Variants in FEZ2 observed in about 807,000 individuals in gnomAD.
The protein encoded by FEZ2 is fasciculation and elongation protein zeta-2.
In FEZ2, 51 loss-of-function variants were observed where a neutral mutation model predicts 40.4. The observed-to-expected ratio is 1.26, with a 90% CI of 1.01 to 1.59. The LOEUF (loss-of-function observed/expected upper bound fraction) is 1.59, where lower values mean the gene tolerates loss of function less well. Ranked by LOEUF, FEZ2 falls within the 40% of genes most tolerant of loss-of-function variation. The pLI is 0.00. For missense variants in FEZ2, 640 were observed against 438.3 expected (o/e 1.46, Z -4.11); for synonymous variants, 242 against 172.0 (o/e 1.41, Z -3.18).
intron 3 of FEZ2, 120 bp downstream of exon 3, chr2:36,583,233 T>A: frequency 1.6e-6 from 1 of 630,450 alleles, no homozygotes. Flanking sequence ...TAAGCCTGTA[T>A]AACCAGAAAA....
chr2:36,563,140 T>C (rs1017957701), intron 5 of FEZ2, among the ~76,000 whole-genome samples: 11 of 152,328 alleles, frequency 7.2e-5, no homozygotes, highest in African/African-American at 2.6e-4. Context: ...CTTTATTAAA[T>C]GTGTGGTTGC....
At chr2:36,595,045 GCT>G (rs1669175756) in intron 1 of FEZ2, among the ~76,000 whole-genome samples, 1 of 152,168 alleles carries the variant, frequency 6.6e-6, no homozygotes, top group Admixed American at 6.5e-5. Flanking sequence ...GGTCAGGACA[GCT>G]CTTTTGCAAG....
chr2:36,567,269 A>G (rs1292118231), intron 5 of FEZ2, among the ~76,000 whole-genome samples: 1 of 152,132 alleles, frequency 6.6e-6, no homozygotes, highest in Non-Finnish European at 1.5e-5. Flanking sequence ...AGAGAAAGAA[A>G]AAAAAAAAGC....
intron 2 of FEZ2, among the ~76,000 whole-genome samples, chr2:36,586,217 G>C (rs1238332129): frequency 6.6e-6 from 1 of 152,120 alleles, no homozygotes; most frequent in African/African-American, 2.4e-5. Flanking sequence ...TAGTTTCATC[G>C]ATCCTTACAC....
rs115055090 is a variant in FEZ2 at position 36,596,488 on chromosome 2, G to A, written c.266+1389C>T. On this transcript the variant is annotated intron_variant, in intron 1 of 7. Coordinates refer to ENST00000405912, the MANE Select transcript of FEZ2 (RefSeq NM_005102.3). ...GTCCTCATTTTTGAGACAAAGTCTC[G>A]CTCTGACACCCAGGCTGGAGTGCAG... Among the ~76,000 whole-genome samples, 249 of 152,162 alleles carry A rather than the reference G, an allele frequency of 1.6e-3. 2 individuals carry two copies. Among genetic ancestry groups the A allele is most frequent in the South Asian group, 3.9e-3 (19 of 4,812 alleles).
intron 3 of FEZ2, among the ~76,000 whole-genome samples, chr2:36,582,547 C>T (rs890676212): frequency 2.0e-5 from 3 of 152,212 alleles, no homozygotes; most frequent in African/African-American, 7.2e-5. Flanking sequence ...CCCTCTACCT[C>T]AAAACAACCT....
rs567339417 is a variant in FEZ2, at chr2:36,570,961, CCTCT to C, written c.903+7632_903+7635del. Among the ~76,000 whole-genome samples, 477 of 152,202 alleles carry C rather than the reference CCTCT, an allele frequency of 3.1e-3. 4 individuals carry two copies. Among genetic ancestry groups the C allele is most frequent in the Non-Finnish European group, 5.3e-3 (363 of 68,010 alleles). ...GTGAACTTGTTTATATTAACAATGA[CCTCT>C]CTAACACATAAAGAAGTCAAGAATG... On this transcript the variant is annotated intron_variant, in intron 5 of 7. Transcript: ENST00000405912.
intron 2 of FEZ2, among the ~76,000 whole-genome samples, chr2:36,589,078 G>T (rs1464524913): frequency 1.3e-5 from 2 of 152,120 alleles, no homozygotes; most frequent in Non-Finnish European, 2.9e-5. Flanking sequence ...TCACTGACAA[G>T]GCTATTCACT....
Position 36,552,571 on chromosome 2 carries a change from G to A in FEZ2, c.*592C>T, listed in dbSNP as rs2125214416. 4.1e-6 allele frequency: 1 copy of A among 244,696 alleles called. No individual in the cohort carries two copies. Among genetic ancestry groups the A allele is most frequent in the South Asian group, 4.7e-5 (1 of 21,066 alleles). The allele number at this position is 244,696 out of a possible 1,614,324, so 15.2% of individuals were successfully genotyped here. ...TTTAATGGTTAAAATTTGACCAGTG[G>A]TGAAACAAGCAGCAAGCTACAAAAT... On this transcript the variant is annotated 3_prime_UTR_variant, in exon 8 of 8. Coordinates refer to ENST00000405912, the MANE Select transcript of FEZ2 (RefSeq NM_005102.3).
chr2:36,577,016 A>G (rs1295307445), intron 5 of FEZ2, among the ~76,000 whole-genome samples: 1 of 152,264 alleles, frequency 6.6e-6, no homozygotes, highest in Non-Finnish European at 1.5e-5. Context: ...TCTCACTTGC[A>G]TAACAGGGCA....
At chr2:36,556,391 G>C (rs1422569576) in intron 6 of FEZ2, 1 of 155,514 alleles carries the variant, frequency 6.4e-6, no homozygotes, top group African/African-American at 2.4e-5. Context: ...CAGCCACCTA[G>C]TATAACGTTT....
chr2:36,572,888 G>C (rs188593085), intron 5 of FEZ2, among the ~76,000 whole-genome samples: 3 of 152,288 alleles, frequency 2.0e-5, no homozygotes, highest in African/African-American at 4.8e-5. Context: ...ATACAAGAAA[G>C]AGTGTATATC....
intron 6 of FEZ2, chr2:36,556,053 C>A: frequency 1.9e-6 from 1 of 531,192 alleles, no homozygotes; most frequent in South Asian, 1.5e-5. Flanking sequence ...TTACAAGGAG[C>A]CTTCGCTCTG....
chr2:36,567,297 T>C (rs1176629020), intron 5 of FEZ2, among the ~76,000 whole-genome samples: 1 of 150,618 alleles, frequency 6.6e-6, no homozygotes, highest in African/African-American at 2.4e-5. Context: ...AAGTGGAGTA[T>C]GAACAGAATA....
At chr2:36,569,818 C>G (rs1336479948) in intron 5 of FEZ2, among the ~76,000 whole-genome samples, 1 of 152,166 alleles carries the variant, frequency 6.6e-6, no homozygotes, top group African/African-American at 2.4e-5. Flanking sequence ...ATTTTAAAAT[C>G]TCAATATCAA....
chr2:36,575,430 C>T (rs1398912597), intron 5 of FEZ2, among the ~76,000 whole-genome samples: 3 of 152,132 alleles, frequency 2.0e-5, no homozygotes, highest in Non-Finnish European at 4.4e-5. Context: ...CTCAAGGAAT[C>T]CTCCCACCTC....
At chr2:36,578,973 C>T (rs1668658380) in intron 4 of FEZ2, 108 bp from the exon 5 acceptor site, 1 of 862,528 alleles carries the variant, frequency 1.2e-6, no homozygotes, top group Non-Finnish European at 1.8e-6. Context: ...TAATCAATGC[C>T]AAAGAGCAAA....
chr2:36,558,382 T>C (rs926573666), intron 6 of FEZ2, 56 bp downstream of exon 6: 15 of 1,073,890 alleles, frequency 1.4e-5, no homozygotes, highest in Non-Finnish European at 1.9e-5. Context: ...TAAAGTCAGG[T>C]GTTTACCAAT....
rs1668738893 is a variant in FEZ2, at chr2:36,581,313, G to A, written c.611C>T (p.Ser204Phe). The A allele has an allele frequency of 1.9e-6, 3 of 1,613,832 alleles. No homozygotes were observed. Among genetic ancestry groups the A allele is most frequent in the Non-Finnish European group, 1.7e-6 (2 of 1,179,764 alleles). Reference protein sequence around the residue: ...LSQEIQTLKRSSTGSYEERVK... With the variant: ...LSQEIQTLKRFSTGSYEERVK... The stretch of plus-strand genomic sequence containing the variant: ...ACTCTCTTCATAACTGCCGGTACTA[G>A]ACCTCTTGAGAGTTTGAATTTCCTG... The change falls in exon 4 of 8, where the codon TCT (serine) becomes TTT (phenylalanine). Residue 204 changes from serine to phenylalanine, a missense_variant. Coordinates refer to ENST00000405912, the MANE Select transcript of FEZ2 (RefSeq NM_005102.3).
Sources: gnomAD v4.1 joint callset for allele counts (sites outside exome capture counted in the v4.1 genomes callset) on GRCh38, gnomAD v4.1.1 for gene constraint, MANE v1.5 for transcripts, NCBI Gene and HGNC (gene_info 2026-07-23, HGNC 2026-07-21) for gene names.